The following IRAK1BP1 variants were observed in gnomAD, a reference collection of about 807,000 sequenced individuals.
The protein encoded by IRAK1BP1 is interleukin 1 receptor associated kinase 1 binding protein 1, also known as interleukin-1 receptor-associated kinase 1-binding protein 1.
In IRAK1BP1, 24 loss-of-function variants were observed where a neutral mutation model predicts 28.0. The ratio of observed to expected loss-of-function variants is 0.86; its 90% CI spans 0.62 to 1.20. The LOEUF (loss-of-function observed/expected upper bound fraction) is 1.20. Among genes scored for constraint, IRAK1BP1 ranks in the 50% most tolerant of loss-of-function variants. The pLI is 0.00. For missense variants in IRAK1BP1, 336 were observed against 316.7 expected (o/e 1.06, Z -0.46); for synonymous variants, 131 against 116.3 (o/e 1.13, Z -0.81).
At chr6:78,908,736 G>A (rs1224499272) in intron 4 of IRAK1BP1, among the ~76,000 whole-genome samples, 1 of 152,122 alleles carries the variant, frequency 6.6e-6, no homozygotes, top group Non-Finnish European at 1.5e-5. Flanking sequence ...ACACATAATG[G>A]GGTGGAAAAT....
At chr6:78,978,716 C>A in the IRAK1BP1 span, 26 of 1,587,908 alleles carry the variant, frequency 1.6e-5, no homozygotes, top group Non-Finnish European at 2.2e-5. Context: ...CAATCTCTGA[C>A]AAAATTTAAG....
intron 4 of IRAK1BP1, among the ~76,000 whole-genome samples, chr6:78,919,042 A>G (rs1772648343): frequency 6.6e-6 from 1 of 152,252 alleles, no homozygotes; most frequent in Non-Finnish European, 1.5e-5. Context: ...ATTAATACCA[A>G]GAAGATCTCT....
At chr6:78,898,017 C>A in intron 3 of IRAK1BP1, 47 bp from the exon 4 acceptor site, 1 of 1,605,488 alleles carries the variant, frequency 6.2e-7, no homozygotes, top group Non-Finnish European at 8.5e-7. Flanking sequence ...TCCAGTGCTA[C>A]ATTTCATTGA....
chr6:78,894,912 C>T (rs906187923), intron 2 of IRAK1BP1, among the ~76,000 whole-genome samples: 5 of 152,008 alleles, frequency 3.3e-5, no homozygotes, highest in East Asian at 1.9e-4. Context: ...AGTTCAAGAC[C>T]AGCCTGGCCA....
intron 4 of IRAK1BP1, among the ~76,000 whole-genome samples, chr6:78,912,459 C>T (rs1211361255): frequency 6.6e-6 from 1 of 152,048 alleles, no homozygotes; most frequent in East Asian, 1.9e-4. Flanking sequence ...GGTACCAAGC[C>T]ACCAGCTGAA....
At chr6:78,932,973 A>G (rs1370779644) in intron 4 of IRAK1BP1, among the ~76,000 whole-genome samples, 4 of 152,114 alleles carry the variant, frequency 2.6e-5, no homozygotes, top group Non-Finnish European at 5.9e-5. Flanking sequence ...CCATGCTATA[A>G]ACAGATGGGC....
intron 4 of IRAK1BP1, among the ~76,000 whole-genome samples, chr6:78,929,857 AC>A (rs1259606863): frequency 6.6e-6 from 1 of 152,136 alleles, no homozygotes; most frequent in Non-Finnish European, 1.5e-5. Context: ...AGCTAATATT[AC>A]TTTTACATAA....
At chr6:78,975,798 C>T in the IRAK1BP1 span, among the ~76,000 whole-genome samples, 1 of 151,068 alleles carries the variant, frequency 6.6e-6, no homozygotes, top group Non-Finnish European at 1.5e-5. Flanking sequence ...AATAAAATAC[C>T]TAGGAATCCA....
chr6:78,894,147 TC>T (rs1274386447), intron 2 of IRAK1BP1, among the ~76,000 whole-genome samples: 4 of 152,024 alleles, frequency 2.6e-5, no homozygotes, highest in African/African-American at 7.2e-5. Flanking sequence ...GGCTAATAAG[TC>T]AATGAAAGCT....
chr6:78,906,450 A>G (rs151009679), downstream of IRAK1BP1, among the ~76,000 whole-genome samples: 98 of 152,296 alleles, frequency 6.4e-4, 1 homozygote, highest in South Asian at 8.1e-3. Flanking sequence ...GTTTGCCCCC[A>G]TTTGCCCATC....
At chr6:78,955,744 A>T in the IRAK1BP1 span, 54 of 626,322 alleles carry the variant, frequency 8.6e-5, no homozygotes, top group South Asian at 1.2e-3. Flanking sequence ...TTCCTTAAAA[A>T]TTTGTTCGTA....
In IRAK1BP1 at chr6:78,911,356, G is replaced by A. The variant is rs1280079505; in HGVS notation, c.*67+8246G>A. Among the ~76,000 whole-genome samples, 3 of 152,016 alleles carry A rather than the reference G, an allele frequency of 2.0e-5. 1 individual carries two copies. Among genetic ancestry groups the A allele is most frequent in the Admixed American group, 2.0e-4 (3 of 15,256 alleles). Reference sequence around the variant, plus strand: ...GTCAACCTCCTCTGCCCCTTTCAAGGCACCTCAAGATCCGATCCCTTTATA... The same window carrying A: ...GTCAACCTCCTCTGCCCCTTTCAAGACACCTCAAGATCCGATCCCTTTATA... On this transcript the variant is annotated intron_variant and NMD_transcript_variant, in intron 4 of 4. Coordinates refer to the IRAK1BP1 transcript ENST00000606868.
At chr6:78,960,651 A>G in the IRAK1BP1 span, among the ~76,000 whole-genome samples, 1 of 152,068 alleles carries the variant, frequency 6.6e-6, no homozygotes, top group South Asian at 2.1e-4. Flanking sequence ...AGTCTAATAT[A>G]TTAGTTTTCT....
At chr6:78,971,522 G>C in the IRAK1BP1 span, among the ~76,000 whole-genome samples, 1 of 152,164 alleles carries the variant, frequency 6.6e-6, no homozygotes, top group African/African-American at 2.4e-5. Flanking sequence ...TTGCGGGGAG[G>C]GGCCAAGATG....
At chr6:78,908,310 C>G (rs993503724) in intron 4 of IRAK1BP1, among the ~76,000 whole-genome samples, 1 of 152,092 alleles carries the variant, frequency 6.6e-6, no homozygotes, top group African/African-American at 2.4e-5. Context: ...CTCAGCATCC[C>G]AAAGTGCTGG....
chr6:78,923,822 G>T (rs1482447851), intron 4 of IRAK1BP1, among the ~76,000 whole-genome samples: 3 of 152,012 alleles, frequency 2.0e-5, no homozygotes, highest in Non-Finnish European at 2.9e-5. Context: ...GTGACTACTG[G>T]GTACATAACG....
At chr6:78,922,569 A>G (rs893563225) in intron 4 of IRAK1BP1, among the ~76,000 whole-genome samples, 3 of 152,184 alleles carry the variant, frequency 2.0e-5, no homozygotes, top group African/African-American at 7.2e-5. Flanking sequence ...GGAAATACAG[A>G]GAGTGCCACA....
the IRAK1BP1 span, among the ~76,000 whole-genome samples, chr6:78,959,173 G>A: frequency 6.6e-6 from 1 of 152,054 alleles, no homozygotes; most frequent in African/African-American, 2.4e-5. Context: ...ATAAAATCTG[G>A]AGTTTTACAA....
chr6:78,951,499 T>C, the IRAK1BP1 span, among the ~76,000 whole-genome samples: 2 of 152,234 alleles, frequency 1.3e-5, no homozygotes, highest in South Asian at 2.1e-4. Flanking sequence ...TAAAGGATGA[T>C]ACAGTTAATT....
Sources: gnomAD v4.1 joint callset for allele counts (sites outside exome capture counted in the v4.1 genomes callset) on GRCh38, gnomAD v4.1.1 for gene constraint, MANE v1.5 for transcripts, NCBI Gene and HGNC (gene_info 2026-07-23, HGNC 2026-07-21) for gene names.